The following NUP188 variants were observed in gnomAD, a reference collection of about 807,000 sequenced individuals.
NUP188 encodes nucleoporin NUP188.
NUP188 carries 97 observed loss-of-function variants against 223.0 expected under a neutral mutation model. That is an observed-to-expected ratio of 0.43 (90% confidence interval 0.37 to 0.51). The LOEUF is 0.51. NUP188 is among the 20% of genes least tolerant of loss of function. NUP188 has a pLI of 0.00. For missense variants in NUP188, 1,947 were observed against 2,175.6 expected, an observed-to-expected ratio of 0.89 and a Z score of 2.09; for synonymous variants, 869 against 828.0, an observed-to-expected ratio of 1.05 and a Z score of -0.85.
At chr9:128,981,906 C>T (rs17508041) in intron 15 of NUP188, among the ~76,000 whole-genome samples, 3,134 of 151,954 alleles carry the variant, frequency 0.021, 119 homozygotes, top group African/African-American at 0.072. Flanking sequence ...GGAGAAACCC[C>T]GTCTCTACTA....
intron 8 of NUP188, among the ~76,000 whole-genome samples, chr9:128,967,053 G>C (rs1042153934): frequency 3.9e-5 from 6 of 152,128 alleles, no homozygotes; most frequent in Non-Finnish European, 4.4e-5. Context: ...TGTCACCCAG[G>C]CTGGGGTACA....
rs774833974 is a variant in NUP188, at chr9:129,005,285, TTTC to T, written c.4510-15_4510-13del. On this transcript the variant is annotated splice_polypyrimidine_tract_variant and intron_variant, in intron 39 of 43. Transcript: ENST00000372577. Reference sequence around the variant, plus strand: ...GCTAGCTTCCCAAGCTCCACCTTCATTTCTTGACTCTCCTTAGAACAAAAATGG... The same window carrying T: ...GCTAGCTTCCCAAGCTCCACCTTCATTTGACTCTCCTTAGAACAAAAATGG... 1 of 1,613,504 alleles carries T rather than the reference TTTC, an allele frequency of 6.2e-7. No homozygotes were observed. The highest frequency in any genetic ancestry group is 8.5e-7 in the Non-Finnish European group (1 of 1,179,412).
In NUP188 at chr9:128,961,589, T is replaced by TAG. The variant is rs1455020145; in HGVS notation, c.585+2455_585+2456insAG. On this transcript the variant is annotated intron_variant, in intron 8 of 43. Coordinates refer to ENST00000372577, the MANE Select transcript of NUP188 (RefSeq NM_015354.3). ...ATCTATATCTATATCTATCTATCTA[T>TAG]CTAGATAGATAGATAGATAGATAGA... is the stretch of plus-strand genomic sequence containing the variant. Among the ~76,000 whole-genome samples the TAG allele has an allele frequency of 4.6e-3, 549 of 118,874 alleles. 3 individuals are homozygous for TAG. Among genetic ancestry groups the TAG allele is most frequent in the South Asian group, 0.015 (54 of 3,602 alleles). The allele number at this position is 118,874 out of a possible 152,430, so 78.0% of individuals were successfully genotyped here.
At chr9:128,970,275 G>A (rs554873125) in intron 10 of NUP188, among the ~76,000 whole-genome samples, 1 of 152,086 alleles carries the variant, frequency 6.6e-6, no homozygotes, top group African/African-American at 2.4e-5. Context: ...TCTCAGGTTC[G>A]TCAGTCATCT....
intron 33 of NUP188, 44 bp downstream of exon 33, chr9:128,999,361 C>G: frequency 6.2e-7 from 1 of 1,600,896 alleles, no homozygotes; most frequent in South Asian, 1.1e-5. Context: ...AGTCTGCCCA[C>G]TCCTGCTGAC....
At position 128,957,019 on chromosome 9, in the gene NUP188, G is replaced by C. The variant is rs755921663; in HGVS notation, c.314G>C (p.Arg105Pro). The C allele has an allele frequency of 2.5e-6, 4 of 1,610,232 alleles. No homozygotes were observed. Among genetic ancestry groups the C allele is most frequent in the Non-Finnish European group, 3.4e-6 (4 of 1,177,514 alleles). The change falls in exon 5 of 44, where the codon CGG becomes CCG. Residue 105 changes from arginine to proline, a missense_variant. Arg to Pro is a moderately radical substitution (Grantham distance 103). Transcript: ENST00000372577. ...CTGCAAGAGGACTACAGGGGTACTC[G>C]GGACTCAGTAAAGGTTTGTGGTTTA... ...CYLQEDYRGT[R>P]DSVKTVLQDE... is the part of the protein sequence containing the mutation.
At chr9:128,995,166 G>T in intron 29 of NUP188, 153 bp from the exon 30 acceptor site, 1 of 655,168 alleles carries the variant, frequency 1.5e-6, no homozygotes, top group Non-Finnish European at 2.7e-6. Flanking sequence ...ATCCTGGAAA[G>T]GCCTCAGCCT....
At chr9:128,992,673 G>A (rs1475778473) in intron 25 of NUP188, among the ~76,000 whole-genome samples, 4 of 152,026 alleles carry the variant, frequency 2.6e-5, no homozygotes. Flanking sequence ...TAGAATGGAT[G>A]CATCCTGATT....
chr9:129,000,069 A>G (rs1213653980), intron 34 of NUP188, among the ~76,000 whole-genome samples: 1 of 152,238 alleles, frequency 6.6e-6, no homozygotes, highest in African/African-American at 2.4e-5. Flanking sequence ...TAGAGATTGT[A>G]GCCGCGGGCA....
rs544349869 is a variant in NUP188, at chr9:128,994,873, C to T, written c.3105C>T (p.Thr1035=). 6.2e-7 allele frequency: 1 copy of T among 1,613,778 alleles called. No homozygotes were observed. The highest frequency in any genetic ancestry group is 1.1e-5 in the South Asian group (1 of 91,078). Residue 1035 remains threonine, a synonymous_variant, in exon 29 of 44, where the codon ACC becomes ACT. Transcript: ENST00000372577. ...CTCCACAGCCCAGCATCCTGGAAACCTGTGCCCTAATCATGAAGATAATTT... is the reference window on the plus strand; with the variant it reads ...CTCCACAGCCCAGCATCCTGGAAACTTGTGCCCTAATCATGAAGATAATTT... ...SETSEPSILE[T]CALIMKIICL...
rs139639876 is a variant in NUP188, at chr9:128,982,595, A to G, written c.1563A>G (p.Val521=). The change falls in exon 16 of 44, where the codon GTA becomes GTG. Residue 521 remains valine (V), a synonymous_variant. Transcript: ENST00000372577. ...TACCTCAAGGCACTGTGGGCCAAGT[A>G]ATGTTGGATGATAGGGCATACCTGG... ...LRIPQGTVGQ[V]MLDDRAYLVR... 434 of 1,613,980 alleles carry G rather than the reference A, an allele frequency of 2.7e-4. No individual in the cohort carries two copies. Among genetic ancestry groups the G allele is most frequent in the Non-Finnish European group, 3.2e-4 (374 of 1,180,010 alleles).
chr9:128,965,175 T>A (rs1842010384), intron 8 of NUP188, among the ~76,000 whole-genome samples: 1 of 152,142 alleles, frequency 6.6e-6, no homozygotes, highest in Non-Finnish European at 1.5e-5. Context: ...AAAATTTTTT[T>A]ATCTCTTTTT....
chr9:128,958,926 A>T (rs1290452184), intron 7 of NUP188, 32 bp downstream of exon 7: 5 of 1,452,990 alleles, frequency 3.4e-6, no homozygotes, highest in East Asian at 2.3e-5. Flanking sequence ...GCTTCTCTTT[A>T]TACTGTATCA....
At chr9:128,955,610 G>A (rs1016609176) in intron 3 of NUP188, among the ~76,000 whole-genome samples, 2 of 151,934 alleles carry the variant, frequency 1.3e-5, no homozygotes, top group African/African-American at 4.8e-5. Context: ...TCTGTCCTTT[G>A]GGCGTGTCCT....
intron 8 of NUP188, among the ~76,000 whole-genome samples, chr9:128,959,527 CTTT>C (rs1303364478): frequency 5.7e-5 from 7 of 123,884 alleles, no homozygotes; most frequent in African/African-American, 3.2e-5. Context: ...TACAGATTAT[CTTT>C]TTTTTTTTTT....
chr9:128,986,215 C>T (rs892793007), intron 20 of NUP188, among the ~76,000 whole-genome samples: 4 of 152,060 alleles, frequency 2.6e-5, no homozygotes, highest in South Asian at 2.1e-4. Flanking sequence ...AGGTTAGGGA[C>T]GGCTGGCAAT....
chr9:128,957,458 A>G (rs1841886981), intron 5 of NUP188, among the ~76,000 whole-genome samples: 2 of 151,824 alleles, frequency 1.3e-5, no homozygotes. Context: ...GGTGATAAGG[A>G]TTTGGTAGAG....
intron 8 of NUP188, among the ~76,000 whole-genome samples, chr9:128,966,679 T>C (rs550453831): frequency 3.9e-5 from 6 of 152,218 alleles, no homozygotes; most frequent in Non-Finnish European, 5.9e-5. Flanking sequence ...GATTCTGTTA[T>C]CAGAGAACAC....
intron 20 of NUP188, 45 bp downstream of exon 20, chr9:128,985,059 C>T (rs1393910230): frequency 7.4e-7 from 1 of 1,354,890 alleles, no homozygotes. Context: ...AGAAAAGGTC[C>T]AGTCTTGTCA....
Sources: allele counts gnomAD v4.1 joint callset (sites outside exome capture counted in the v4.1 genomes callset), GRCh38; gene constraint gnomAD v4.1.1; transcripts MANE v1.5; gene names NCBI Gene and HGNC (gene_info 2026-07-23, HGNC 2026-07-21).